Variants in SYT1 observed in about 807,000 individuals in gnomAD.
SYT1 encodes synaptotagmin-1.
Under a neutral mutation model 44.8 loss-of-function variants are expected in SYT1, and 8 were observed. The observed-to-expected ratio is 0.18, with a 90% CI of 0.10 to 0.32. The LOEUF (loss-of-function observed/expected upper bound fraction) is 0.32, where lower values mean the gene tolerates loss of function less well. Ranked by LOEUF, SYT1 falls within the 10% of genes least tolerant of loss-of-function variation. SYT1 has a pLI of 1.00. For synonymous variants in SYT1, 154 were observed against 188.8 expected, an observed-to-expected ratio of 0.82 and a Z score of 1.51; for missense variants, 286 against 509.3, an observed-to-expected ratio of 0.56 and a Z score of 4.22.
chr12:79,386,960 T>C (rs1884459990), intron 9 of SYT1, among the ~76,000 whole-genome samples: 1 of 152,196 alleles, frequency 6.6e-6, no homozygotes, highest in Non-Finnish European at 1.5e-5. Flanking sequence ...AATAACCTAC[T>C]CCAGCATTTA....
intron 6 of SYT1, 84 bp from the exon 7 acceptor site, chr12:79,295,985 C>T: frequency 7.2e-7 from 1 of 1,387,298 alleles, no homozygotes; most frequent in Non-Finnish European, 9.7e-7. Flanking sequence ...GGAGAAATCC[C>T]AATATGCAGC....
chr12:79,036,809 T>C (rs1873164124), intron 2 of SYT1, among the ~76,000 whole-genome samples: 1 of 151,764 alleles, frequency 6.6e-6, no homozygotes, highest in Non-Finnish European at 1.5e-5. Context: ...GGCTATTCTC[T>C]TTCACGAGAG....
chr12:79,290,636 T>G (rs10778577), intron 5 of SYT1, among the ~76,000 whole-genome samples: 1 of 151,954 alleles, frequency 6.6e-6, no homozygotes, highest in African/African-American at 2.4e-5. Context: ...TACCACTGGC[T>G]TATCCATTTT....
chr12:79,196,506 C>A (rs190210021), intron 3 of SYT1, among the ~76,000 whole-genome samples: 1 of 152,026 alleles, frequency 6.6e-6, no homozygotes, highest in African/African-American at 2.4e-5. Context: ...CTCTCAAACT[C>A]GAAGAACCTT....
intron 2 of SYT1, among the ~76,000 whole-genome samples, chr12:78,981,577 C>CT (rs149795558): frequency 0.014 from 2,106 of 152,226 alleles, 56 homozygotes; most frequent in African/African-American, 0.048. Flanking sequence ...ACTAATGAAT[C>CT]TTTGGCCTTC....
At chr12:79,225,336 T>C (rs1276342134) in intron 4 of SYT1, among the ~76,000 whole-genome samples, 1 of 152,218 alleles carries the variant, frequency 6.6e-6, no homozygotes, top group African/African-American at 2.4e-5. Flanking sequence ...CAAGTTGATC[T>C]AAGACACACA....
At chr12:79,253,311 T>A (rs987410268) in intron 4 of SYT1, among the ~76,000 whole-genome samples, 1 of 152,144 alleles carries the variant, frequency 6.6e-6, no homozygotes, top group African/African-American at 2.4e-5. Flanking sequence ...ATTTTGGTAA[T>A]TCTTGAAATT....
intron 3 of SYT1, among the ~76,000 whole-genome samples, chr12:79,126,263 TG>T: frequency 6.6e-6 from 1 of 152,346 alleles, no homozygotes; most frequent in Non-Finnish European, 1.5e-5. Flanking sequence ...TGTTTTGTTT[TG>T]TTTTTGTTTT....
Position 78,930,579 on chromosome 12 carries a change from A to T in SYT1, c.-216-47220A>T, listed in dbSNP as rs559731140. 1.2e-3 allele frequency among the ~76,000 whole-genome samples: 180 copies of T among 152,032 alleles called. 1 individual carries two copies. Among genetic ancestry groups the T allele is most frequent in the African/African-American group, 4.2e-3 (175 of 41,540 alleles). ...ATGGTCATTCAATTTGGAAAGGATGATCGAAGCCTCAATCACTTTTGTAGA... is the reference window on the plus strand; with the variant it reads ...ATGGTCATTCAATTTGGAAAGGATGTTCGAAGCCTCAATCACTTTTGTAGA... On this transcript the variant is annotated intron_variant, in intron 1 of 10. Transcript: ENST00000261205.
At chr12:79,421,951 T>G (rs1869148299) in intron 9 of SYT1, among the ~76,000 whole-genome samples, 1 of 152,142 alleles carries the variant, frequency 6.6e-6, no homozygotes, top group African/African-American at 2.4e-5. Context: ...GTTCCATTTA[T>G]TGAAACTTCT....
At chr12:79,251,447 G>A (rs1330238081) in intron 4 of SYT1, among the ~76,000 whole-genome samples, 1 of 152,146 alleles carries the variant, frequency 6.6e-6, no homozygotes, top group Non-Finnish European at 1.5e-5. Context: ...GGAAATTTGA[G>A]TCAAAATAAG....
rs565818415 is a variant in SYT1, at chr12:79,001,606, T to C, written c.-84+23675T>C. On this transcript the variant is annotated intron_variant, in intron 2 of 10. Transcript: ENST00000261205. ...TCAAGGAGTCAGCACACCACCATTA[T>C]CTGACTAATTGCTTTGTGAAGTGCT... 2.0e-5 allele frequency among the ~76,000 whole-genome samples: 3 copies of C among 152,310 alleles called. No homozygotes were observed. The East Asian group carries it at 5.8e-4, about 29-fold the overall frequency.
At chr12:78,893,866 A>T (rs1480926364) in intron 1 of SYT1, among the ~76,000 whole-genome samples, 1 of 151,636 alleles carries the variant, frequency 6.6e-6, no homozygotes, top group Non-Finnish European at 1.5e-5. Context: ...ATAATAATAA[A>T]GTTGCCCTCT....
chr12:79,084,048 C>T (rs1319042598), intron 3 of SYT1, among the ~76,000 whole-genome samples: 1 of 152,072 alleles, frequency 6.6e-6, no homozygotes, highest in African/African-American at 2.4e-5. Context: ...TATAGAGTAG[C>T]TGTTGGTGTG....
chr12:79,345,593 C>A lies in SYT1; in HGVS notation c.811-7909C>A, dbSNP rs561243987. Among the ~76,000 whole-genome samples the A allele has an allele frequency of 2.6e-5, 4 of 152,284 alleles. No individual in the cohort carries two copies. The East Asian group carries it at 7.7e-4, about 29-fold the overall frequency. On this transcript the variant is annotated intron_variant, in intron 8 of 10. Transcript: ENST00000261205. ...ATTTACTATACATTTGTAGACTAGG[C>A]CAGATTCAGTCTTTCTAGCCTGAAC...
chr12:79,076,724 C>T (rs772899468), intron 3 of SYT1, among the ~76,000 whole-genome samples: 3 of 152,040 alleles, frequency 2.0e-5, no homozygotes, highest in African/African-American at 7.2e-5. Flanking sequence ...GCAGGGATCA[C>T]GAGGTTTTTG....
At chr12:79,315,210 A>G (rs893559445) in intron 8 of SYT1, among the ~76,000 whole-genome samples, 1 of 152,104 alleles carries the variant, frequency 6.6e-6, no homozygotes, top group Non-Finnish European at 1.5e-5. Flanking sequence ...TATATTAAAT[A>G]CAATTAAAAA....
chr12:78,888,512 G>A (rs1371597134), intron 1 of SYT1, among the ~76,000 whole-genome samples: 2 of 151,874 alleles, frequency 1.3e-5, no homozygotes, highest in African/African-American at 2.4e-5. Context: ...CAAATGCATA[G>A]CAACATATTT....
chr12:79,034,223 T>C (rs561189698), intron 2 of SYT1, among the ~76,000 whole-genome samples: 1 of 151,672 alleles, frequency 6.6e-6, no homozygotes, highest in South Asian at 2.1e-4. Context: ...AAGGCTTTTG[T>C]TCCTCTAAGA....
Sources: gnomAD v4.1 joint callset for allele counts (sites outside exome capture counted in the v4.1 genomes callset) on GRCh38, gnomAD v4.1.1 for gene constraint, MANE v1.5 for transcripts, NCBI Gene and HGNC (gene_info 2026-07-23, HGNC 2026-07-21) for gene names.